GPBP1L1: variants seen among roughly 807,000 people sequenced by gnomAD.
GPBP1L1 encodes GC-rich promoter binding protein 1 like 1, also known as vasculin-like protein 1.
GPBP1L1 carries 23 observed loss-of-function variants against 52.5 expected under a neutral mutation model. The ratio of observed to expected loss-of-function variants is 0.44; its 90% CI spans 0.32 to 0.62. The LOEUF (loss-of-function observed/expected upper bound fraction) is 0.62. GPBP1L1 is among the 20% of genes least tolerant of loss of function. The probability of loss-of-function intolerance (pLI) is 0.06; values close to 1 mark genes in which losing one functional copy is unlikely to be tolerated. For synonymous variants in GPBP1L1, 243 were observed against 203.1 expected (o/e 1.20, Z -1.67); for missense variants, 596 against 579.3 (o/e 1.03, Z -0.30).
At chr1:45,629,485 C>A in intron 12 of GPBP1L1, 91 bp downstream of exon 12, 1 of 195,520 alleles carries the variant, frequency 5.1e-6, no homozygotes, top group Non-Finnish European at 1.1e-5. Flanking sequence ...CTTTCTCTCA[C>A]ATTAAACTTG....
intron 6 of GPBP1L1, chr1:45,651,729 T>C: frequency 2.4e-6 from 1 of 416,942 alleles, no homozygotes; most frequent in South Asian, 4.4e-5. Flanking sequence ...TTAGGCCTTT[T>C]CTTAAATAGC....
chr1:45,680,749 T>C (rs954773786), intron 2 of GPBP1L1, among the ~76,000 whole-genome samples: 1 of 152,170 alleles, frequency 6.6e-6, no homozygotes. Context: ...TTGGAGACTC[T>C]TGAATTGTTG....
chr1:45,648,853 TC>T (rs1644786037), intron 6 of GPBP1L1, among the ~76,000 whole-genome samples: 1 of 151,780 alleles, frequency 6.6e-6, no homozygotes, highest in Admixed American at 6.6e-5. Context: ...CATGGCGAAA[TC>T]CCGCCTCTAC....
upstream of GPBP1L1, chr1:45,687,058 C>T (rs1156276813): frequency 5.9e-5 from 9 of 152,310 alleles, no homozygotes; most frequent in Admixed American, 3.3e-4. Flanking sequence ...CCACCTTCCG[C>T]TCCTTACTTC....
In GPBP1L1 at chr1:45,627,769, T is replaced by C. The variant is rs1406513038; in HGVS notation, c.*487A>G. ...ACAACCAAAAAAACCCACATATGCT[T>C]GGTTAAGGGCTAAAGTTACCCGAGC... On this transcript the variant is annotated 3_prime_UTR_variant, in exon 13 of 13. Coordinates refer to ENST00000355105, the MANE Select transcript of GPBP1L1 (RefSeq NM_021639.5). 1 of 152,160 alleles carries C rather than the reference T, an allele frequency of 6.6e-6. No homozygotes were observed. 9.4% of individuals were successfully genotyped at this position (152,160 alleles called of 1,614,324 possible).
upstream of GPBP1L1, chr1:45,686,876 T>C (rs1166307009): frequency 3.3e-5 from 5 of 152,582 alleles, no homozygotes; most frequent in African/African-American, 1.2e-4. Flanking sequence ...CTAACCCCCT[T>C]GCCCACTTCC....
intron 12 of GPBP1L1, among the ~76,000 whole-genome samples, chr1:45,629,017 C>T (rs1158399335): frequency 1.3e-5 from 2 of 152,190 alleles, no homozygotes; most frequent in Non-Finnish European, 2.9e-5. Context: ...TCAGCTTGTG[C>T]CATGCCCCTT....
chr1:45,650,264 A>C (rs541056393), intron 6 of GPBP1L1, among the ~76,000 whole-genome samples: 33 of 152,230 alleles, frequency 2.2e-4, no homozygotes, highest in African/African-American at 7.7e-4. Context: ...TTATTCTCCA[A>C]AGAGTAGTGT....
intron 2 of GPBP1L1, among the ~76,000 whole-genome samples, chr1:45,669,359 C>A (rs959679934): frequency 2.6e-5 from 4 of 152,202 alleles, no homozygotes; most frequent in Non-Finnish European, 5.9e-5. Flanking sequence ...CTATGTTGCT[C>A]AGGTTGGTGT....
intron 10 of GPBP1L1, 128 bp from the exon 11 acceptor site, chr1:45,630,734 T>A: frequency 2.0e-6 from 2 of 1,019,088 alleles, no homozygotes; most frequent in East Asian, 5.2e-5. Flanking sequence ...CCACAGATTT[T>A]TTTCCCCATT....
At chr1:45,677,283 T>G (rs531453574) in intron 2 of GPBP1L1, among the ~76,000 whole-genome samples, 1 of 144,536 alleles carries the variant, frequency 6.9e-6, no homozygotes, top group East Asian at 2.0e-4. Flanking sequence ...TTGCAGTGAG[T>G]GAGCTGAGAT....
chr1:45,632,044 A>T (rs1273188562), intron 10 of GPBP1L1, among the ~76,000 whole-genome samples: 1 of 152,010 alleles, frequency 6.6e-6, no homozygotes, highest in Admixed American at 6.6e-5. Flanking sequence ...AACATGGTGA[A>T]ACCTTGTCTC....
rs141577520 is a variant in GPBP1L1, at chr1:45,671,831, TAATA to T, written c.-1097-10610_-1097-10607del. Among the ~76,000 whole-genome samples, 256 of 151,208 alleles carry T rather than the reference TAATA, an allele frequency of 1.7e-3. 2 individuals are homozygous for T. Among genetic ancestry groups the T allele is most frequent in the Non-Finnish European group, 1.8e-3 (123 of 67,834 alleles). ...CAGAGCGAGACTCTGTCTCTAATAA[TAATA>T]AATAAATAAATAAATAAATAATTTT... On this transcript the variant is annotated intron_variant, in intron 2 of 12. Coordinates refer to ENST00000355105, the MANE Select transcript of GPBP1L1 (RefSeq NM_021639.5).
chr1:45,659,826 A>T (rs1644927710), intron 3 of GPBP1L1, among the ~76,000 whole-genome samples: 1 of 152,154 alleles, frequency 6.6e-6, no homozygotes, highest in Non-Finnish European at 1.5e-5. Flanking sequence ...CTGTGGTCCC[A>T]GCTACTCTGG....
intron 2 of GPBP1L1, among the ~76,000 whole-genome samples, chr1:45,682,379 T>C (rs986475744): frequency 6.6e-6 from 1 of 152,194 alleles, no homozygotes; most frequent in Non-Finnish European, 1.5e-5. Flanking sequence ...CAAATAGACC[T>C]ACTGCTCAGA....
intron 8 of GPBP1L1, among the ~76,000 whole-genome samples, chr1:45,637,600 T>G (rs966923409): frequency 2.7e-5 from 4 of 150,136 alleles, no homozygotes; most frequent in Non-Finnish European, 5.9e-5. Flanking sequence ...ATCTTAAGTT[T>G]TGTATCATAA....
chr1:45,645,916 G>T, intron 6 of GPBP1L1: 2 of 495,676 alleles, frequency 4.0e-6, no homozygotes, highest in Non-Finnish European at 7.8e-6. Flanking sequence ...GAAGTCAAAT[G>T]GTTGGGATAG....
chr1:45,642,741 A>G (rs117597851), intron 6 of GPBP1L1, among the ~76,000 whole-genome samples: 2 of 152,232 alleles, frequency 1.3e-5, no homozygotes. Flanking sequence ...AAGGGATTTC[A>G]TTTATTTTAA....
chr1:45,642,920 A>C (rs943865041), intron 6 of GPBP1L1, among the ~76,000 whole-genome samples: 4 of 152,202 alleles, frequency 2.6e-5, no homozygotes, highest in Admixed American at 6.5e-5. Flanking sequence ...AGATGGGTGT[A>C]GGGCAGGGGC....
Sources: gnomAD v4.1 joint callset for allele counts (sites outside exome capture counted in the v4.1 genomes callset) on GRCh38, gnomAD v4.1.1 for gene constraint, MANE v1.5 for transcripts, NCBI Gene and HGNC (gene_info 2026-07-23, HGNC 2026-07-21) for gene names.